COL11A1: variants seen among roughly 807,000 people sequenced by gnomAD.
The protein encoded by COL11A1 is collagen alpha-1(XI) chain.
A neutral mutation model predicts 265.2 loss-of-function variants in COL11A1; 74 were observed. The ratio of observed to expected loss-of-function variants is 0.28; its 90% CI spans 0.23 to 0.34. The LOEUF (loss-of-function observed/expected upper bound fraction) is 0.34. Among genes scored for constraint, COL11A1 ranks in the 10% least tolerant of loss-of-function variants. The pLI is 1.00. For missense variants in COL11A1, 2,165 were observed against 2,263.6 expected (o/e 0.96, Z 0.88); for synonymous variants, 816 against 727.6 (o/e 1.12, Z -1.96).
At chr1:103,015,616 A>G (rs1022526653) in intron 12 of COL11A1, 52 bp downstream of exon 12, 5 of 1,362,652 alleles carry the variant, frequency 3.7e-6, no homozygotes, top group African/African-American at 1.4e-5. Context: ...TAAACTTCAG[A>G]AAAAAGATGA....
chr1:102,924,446 A>G (rs76458328), intron 46 of COL11A1, among the ~76,000 whole-genome samples: 6,892 of 152,104 alleles, frequency 0.045, 230 homozygotes, highest in South Asian at 0.16. Context: ...TCATGTCACA[A>G]CAATACTTTG....
intron 37 of COL11A1, among the ~76,000 whole-genome samples, chr1:102,968,422 C>T (rs200311102): frequency 1.3e-5 from 2 of 152,158 alleles, no homozygotes; most frequent in East Asian, 3.9e-4. Context: ...CTGTTTAAGG[C>T]CACCAGGAAA....
At chr1:102,885,220 T>G (rs984042242) in intron 63 of COL11A1, among the ~76,000 whole-genome samples, 2 of 152,214 alleles carry the variant, frequency 1.3e-5, no homozygotes, top group African/African-American at 4.8e-5. Context: ...CTATGTTATG[T>G]TGAACTATAA....
At chr1:102,946,983 G>A (rs1466810359) in intron 41 of COL11A1, 27 bp from the exon 42 acceptor site, 2 of 1,561,448 alleles carry the variant, frequency 1.3e-6, no homozygotes, top group East Asian at 2.3e-5. Context: ...GAAGTATTTT[G>A]TTATTAAAGA....
intron 4 of COL11A1, among the ~76,000 whole-genome samples, chr1:103,055,423 T>A (rs1234724037): frequency 6.6e-6 from 1 of 152,238 alleles, no homozygotes; most frequent in Non-Finnish European, 1.5e-5. Context: ...CACACCTTTA[T>A]ATTTTAAAAT....
intron 4 of COL11A1, among the ~76,000 whole-genome samples, chr1:103,042,040 A>G (rs1668851410): frequency 6.6e-6 from 1 of 152,042 alleles, no homozygotes; most frequent in South Asian, 2.1e-4. Context: ...TAAGATAGTA[A>G]TTATATTTCT....
intron 4 of COL11A1, among the ~76,000 whole-genome samples, chr1:103,049,499 A>G (rs554996372): frequency 1.3e-5 from 2 of 152,264 alleles, no homozygotes; most frequent in East Asian, 3.9e-4. Context: ...GTATCTCTGC[A>G]GGTGAGATGG....
rs562263165 is a variant in COL11A1 at position 103,005,764 on chromosome 1, G to A, written c.1845+74C>T. On this transcript the variant is annotated intron_variant, in intron 18 of 66. Coordinates refer to ENST00000370096, the MANE Select transcript of COL11A1 (RefSeq NM_001854.4). ...TAAAATTAATTTTTCTTCTTTTTCT[G>A]ATTTTGCAAATTGTTATCAATTCTA... 2.0e-5 allele frequency: 31 copies of A among 1,559,800 alleles called. No individual in the cohort carries two copies. In the South Asian group the frequency reaches 3.3e-4, roughly 17 times the overall value.
chr1:102,892,705 G>C (rs1256889808), intron 57 of COL11A1, among the ~76,000 whole-genome samples: 1 of 152,088 alleles, frequency 6.6e-6, no homozygotes, highest in Non-Finnish European at 1.5e-5. Context: ...ATTAGCCCTT[G>C]TGTAACAATG....
chr1:103,030,813 G>T (rs778859273), intron 5 of COL11A1: 5 of 356,798 alleles, frequency 1.4e-5, no homozygotes, highest in African/African-American at 2.1e-5. Flanking sequence ...AATGCTAATG[G>T]TCGAAATATC....
chr1:102,991,429 C>T (rs531689942), intron 28 of COL11A1, among the ~76,000 whole-genome samples: 3 of 121,958 alleles, frequency 2.5e-5, no homozygotes, highest in African/African-American at 7.5e-5. Flanking sequence ...ATATAAGGCA[C>T]CTCCCTTCAC....
Position 103,108,316 on chromosome 1 carries a change from CT to C in COL11A1, c.-139del. On this transcript the variant is annotated 5_prime_UTR_variant, in exon 1 of 67. Transcript: ENST00000370096. ...GGGAGAGGGGGAAAAAGTCAAAGGG[CT>C]TTTTCTTCTAAATTTGATGGTTTGC... 1.4e-6 allele frequency: 1 copy of C among 716,480 alleles called. No individual in the cohort carries two copies. The highest frequency in any genetic ancestry group is 1.5e-5 in the South Asian group (1 of 67,396). The allele number at this position is 716,480 out of a possible 1,614,324, so 44.4% of individuals were successfully genotyped here. A position where few individuals can be genotyped will look rare whatever the true frequency, so the allele number is the denominator to read the frequency against.
intron 36 of COL11A1, among the ~76,000 whole-genome samples, chr1:102,972,320 C>A (rs1324665536): frequency 2.6e-5 from 4 of 151,826 alleles, no homozygotes; most frequent in Non-Finnish European, 5.9e-5. Flanking sequence ...GATTAAATAT[C>A]TCATATTTGC....
intron 46 of COL11A1, among the ~76,000 whole-genome samples, chr1:102,931,124 C>T (rs1657377887): frequency 7.6e-6 from 1 of 131,968 alleles, no homozygotes; most frequent in African/African-American, 2.8e-5. Context: ...TTATTTCTTG[C>T]CTTCTGCTAG....
At chr1:102,896,035 G>T (rs1056704212) in intron 57 of COL11A1, among the ~76,000 whole-genome samples, 1 of 151,494 alleles carries the variant, frequency 6.6e-6, no homozygotes, top group East Asian at 1.9e-4. Context: ...TTCTTGATTT[G>T]GTGCTACTAG....
rs576655781 is a variant in COL11A1 at position 102,953,194 on chromosome 1, T to C, written c.3169-6238A>G. ...TTATATCTAAACTGAATGATTGTCT[T>C]TAAGCATAGGTAAAATAGATAATGA... On this transcript the variant is annotated intron_variant, in intron 41 of 66. Transcript: ENST00000370096. 2.6e-5 allele frequency among the ~76,000 whole-genome samples: 4 copies of C among 152,346 alleles called. No individual in the cohort carries two copies. In the South Asian group the frequency reaches 6.2e-4, roughly 24 times the overall value.
intron 31 of COL11A1, among the ~76,000 whole-genome samples, chr1:102,981,935 G>C (rs1663078434): frequency 6.6e-6 from 1 of 151,612 alleles, no homozygotes; most frequent in African/African-American, 2.4e-5. Context: ...CTGCTTGAAA[G>C]AGACTGGTAA....
chr1:103,005,957 C>A, intron 17 of COL11A1, 66 bp from the exon 18 acceptor site: 1 of 1,611,518 alleles, frequency 6.2e-7, no homozygotes, highest in Non-Finnish European at 8.5e-7. Flanking sequence ...ATATGTACTG[C>A]AATTTAAATG....
At chr1:103,034,117 G>GA (rs1668183752) in intron 4 of COL11A1, among the ~76,000 whole-genome samples, 1 of 152,138 alleles carries the variant, frequency 6.6e-6, no homozygotes, top group South Asian at 2.1e-4. Flanking sequence ...CTTCACTCTT[G>GA]AAGTTTTGAA....
Sources: gnomAD v4.1 joint callset for allele counts (sites outside exome capture counted in the v4.1 genomes callset) on GRCh38, gnomAD v4.1.1 for gene constraint, MANE v1.5 for transcripts, NCBI Gene and HGNC (gene_info 2026-07-23, HGNC 2026-07-21) for gene names.